SH3PXD2A: variants seen among roughly 807,000 people sequenced by gnomAD.
SH3PXD2A encodes SH3 and PX domains 2A.
In SH3PXD2A, 32 loss-of-function variants were observed where a neutral mutation model predicts 115.2. The observed-to-expected ratio is 0.28, with a 90% CI of 0.21 to 0.37. The LOEUF (loss-of-function observed/expected upper bound fraction) is 0.37. SH3PXD2A is among the 10% of genes least tolerant of loss of function. SH3PXD2A has a pLI of 1.00. For missense variants in SH3PXD2A, 1,328 were observed against 1,498.7 expected (o/e 0.89, Z 1.88); for synonymous variants, 610 against 629.1 (o/e 0.97, Z 0.45).
chr10:103,766,977 C>T (rs1168368565), intron 3 of SH3PXD2A, 117 bp downstream of exon 3: 1 of 720,678 alleles, frequency 1.4e-6, no homozygotes, highest in Admixed American at 2.2e-5. Flanking sequence ...TGTTCATATG[C>T]AGATTCCTGG....
At chr10:103,652,660 G>A (rs1302141587) in intron 8 of SH3PXD2A, among the ~76,000 whole-genome samples, 4 of 152,140 alleles carry the variant, frequency 2.6e-5, no homozygotes, top group African/African-American at 4.8e-5. Flanking sequence ...AATCTGTTAC[G>A]TAACAGTGGA....
chr10:103,603,826 G>C (rs774259121), intron 14 of SH3PXD2A, 37 bp from the exon 15 acceptor site: 6 of 1,564,246 alleles, frequency 3.8e-6, no homozygotes, highest in Non-Finnish European at 4.3e-6. Context: ...TGAGTTGGGA[G>C]GATCTGGAAC....
chr10:103,607,687 A>G (rs951911651), intron 13 of SH3PXD2A, among the ~76,000 whole-genome samples: 3 of 152,208 alleles, frequency 2.0e-5, no homozygotes, highest in Non-Finnish European at 2.9e-5. Flanking sequence ...CATGATGACA[A>G]TGGCGGTTTT....
intron 4 of SH3PXD2A, among the ~76,000 whole-genome samples, chr10:103,730,271 T>G (rs1288593025): frequency 2.3e-5 from 3 of 130,070 alleles, no homozygotes; most frequent in African/African-American, 9.5e-5. Context: ...TGCACACTGA[T>G]TTTTTTTGTT....
chr10:103,770,373 T>C (rs1271582259), intron 2 of SH3PXD2A, among the ~76,000 whole-genome samples: 2 of 101,350 alleles, frequency 2.0e-5, no homozygotes, highest in African/African-American at 4.7e-5. Flanking sequence ...GCCCAGCTAG[T>C]TTAAAAACTT....
chr10:103,653,566 A>C (rs2037162769), intron 8 of SH3PXD2A, among the ~76,000 whole-genome samples: 1 of 152,222 alleles, frequency 6.6e-6, no homozygotes, highest in Non-Finnish European at 1.5e-5. Context: ...CCACAGAGCC[A>C]GTAGGTCCAC....
chr10:103,701,357 CCAT>C (rs2037900206), intron 5 of SH3PXD2A, among the ~76,000 whole-genome samples: 1 of 148,686 alleles, frequency 6.7e-6, no homozygotes, highest in Non-Finnish European at 1.5e-5. Flanking sequence ...CACCATCCAC[CCAT>C]CATCTATCCA....
intron 2 of SH3PXD2A, among the ~76,000 whole-genome samples, chr10:103,787,075 G>A (rs1274312499): frequency 2.0e-5 from 3 of 152,180 alleles, no homozygotes; most frequent in Non-Finnish European, 2.9e-5. Flanking sequence ...CTTTGCATCC[G>A]ATTCACTTAT....
intron 6 of SH3PXD2A, among the ~76,000 whole-genome samples, chr10:103,670,557 CAG>C (rs984090253): frequency 6.6e-5 from 10 of 152,152 alleles, no homozygotes; most frequent in African/African-American, 2.4e-4. Context: ...AAGAACTAGA[CAG>C]TGTTCAATAC....
At chr10:103,773,643 G>A (rs1226550373) in intron 2 of SH3PXD2A, among the ~76,000 whole-genome samples, 2 of 152,082 alleles carry the variant, frequency 1.3e-5, no homozygotes, top group South Asian at 2.1e-4. Flanking sequence ...GTTTCACCAT[G>A]TTGGTCAGGC....
At position 103,731,519 on chromosome 10, in the gene SH3PXD2A, CCTT is replaced by C. The variant is rs777371540; in HGVS notation, c.306+4210_306+4212del. On this transcript the variant is annotated intron_variant, in intron 4 of 14. Transcript: ENST00000369774. ...TCTGCTTTATCTCAGCCTAGAAACT[CCTT>C]CTCCTGGGTCTACTATCTGGGTTGA... is the stretch of plus-strand genomic sequence containing the variant. 1.3e-4 allele frequency among the ~76,000 whole-genome samples: 20 copies of C among 152,298 alleles called. No individual in the cohort carries two copies. In the Middle Eastern group the frequency reaches 0.027, roughly 207 times the overall value.
chr10:103,617,854 G>A (rs1564845483), intron 10 of SH3PXD2A, among the ~76,000 whole-genome samples: 3 of 152,184 alleles, frequency 2.0e-5, no homozygotes, highest in South Asian at 2.1e-4. Flanking sequence ...ACACCTCCTC[G>A]GTGAAGCCTT....
At chr10:103,662,822 T>C (rs187907819) in intron 7 of SH3PXD2A, among the ~76,000 whole-genome samples, 11 of 152,312 alleles carry the variant, frequency 7.2e-5, no homozygotes, top group Admixed American at 1.3e-4. Flanking sequence ...ACTTTTGTTT[T>C]TTTTGAGACA....
chr10:103,741,722 G>A (rs1362812933), intron 3 of SH3PXD2A, among the ~76,000 whole-genome samples: 1 of 152,232 alleles, frequency 6.6e-6, no homozygotes, highest in Non-Finnish European at 1.5e-5. Context: ...ACTGCACGGT[G>A]CAAAGGCCTC....
intron 2 of SH3PXD2A, among the ~76,000 whole-genome samples, chr10:103,798,872 A>C (rs1344060629): frequency 6.6e-6 from 1 of 152,118 alleles, no homozygotes; most frequent in Non-Finnish European, 1.5e-5. Flanking sequence ...GGAAGCCACA[A>C]AGCAACATCA....
At chr10:103,767,019 C>T (rs2038761880) in intron 3 of SH3PXD2A, 75 bp downstream of exon 3, 1 of 1,123,642 alleles carries the variant, frequency 8.9e-7, no homozygotes, top group African/African-American at 1.5e-5. Context: ...CTGCTTAGTA[C>T]TCTTCTCGGC....
chr10:103,736,732 T>G, intron 3 of SH3PXD2A: 1 of 1,281,856 alleles, frequency 7.8e-7, no homozygotes, highest in Non-Finnish European at 1.0e-6. Context: ...TTATAGCACT[T>G]GTGACCCATT....
intron 1 of SH3PXD2A, among the ~76,000 whole-genome samples, chr10:103,828,642 C>T (rs1025161885): frequency 6.6e-6 from 1 of 152,192 alleles, no homozygotes; most frequent in Non-Finnish European, 1.5e-5. Context: ...GGCTGAGATG[C>T]TGCCGAGATC....
chr10:103,662,668 G>C (rs2037331308), intron 7 of SH3PXD2A, among the ~76,000 whole-genome samples: 2 of 152,036 alleles, frequency 1.3e-5, no homozygotes, highest in South Asian at 4.2e-4. Context: ...CAAAGTGCTG[G>C]GATTACAGGC....
Sources: gnomAD v4.1 joint callset for allele counts (sites outside exome capture counted in the v4.1 genomes callset) on GRCh38, gnomAD v4.1.1 for gene constraint, MANE v1.5 for transcripts, NCBI Gene and HGNC (gene_info 2026-07-23, HGNC 2026-07-21) for gene names.